Variants in CCDC191 observed in about 807,000 individuals in gnomAD.
CCDC191 encodes the protein coiled-coil domain containing 191.
A neutral mutation model predicts 114.0 loss-of-function variants in CCDC191; 99 were observed. The ratio of observed to expected loss-of-function variants is 0.87; its 90% confidence interval spans 0.74 to 1.03. CCDC191 has a LOEUF of 1.03. CCDC191 is among the 50% of genes least tolerant of loss of function. CCDC191 has a pLI of 0.00. For synonymous variants in CCDC191, 351 were observed against 376.0 expected, an observed-to-expected ratio of 0.93 and a Z score of 0.77; for missense variants, 973 against 1,087.0, an observed-to-expected ratio of 0.90 and a Z score of 1.47.
At chr3:113,986,142 T>G (rs557248943) in intron 13 of CCDC191, among the ~76,000 whole-genome samples, 1 of 151,874 alleles carries the variant, frequency 6.6e-6, no homozygotes, top group Non-Finnish European at 1.5e-5. Context: ...AAAAAAAGAT[T>G]CAAAATAAAA....
chr3:113,978,138 G>C (rs765929601), intron 16 of CCDC191, 48 bp downstream of exon 16: 17 of 1,600,876 alleles, frequency 1.1e-5, no homozygotes, highest in Non-Finnish European at 1.5e-5. Flanking sequence ...ATATTGCTGA[G>C]CAATTGTGAA....
chr3:114,029,565 C>G (rs1381980897), intron 7 of CCDC191, among the ~76,000 whole-genome samples: 2 of 152,088 alleles, frequency 1.3e-5, no homozygotes, highest in Non-Finnish European at 2.9e-5. Flanking sequence ...TAATGGGTGA[C>G]AGTTTACAGA....
At chr3:114,052,908 C>A (rs1268101806) in intron 2 of CCDC191, among the ~76,000 whole-genome samples, 2 of 152,222 alleles carry the variant, frequency 1.3e-5, no homozygotes, top group Admixed American at 1.3e-4. Context: ...ACATGTGGTA[C>A]ACGATGAATT....
chr3:114,032,226 TA>T (rs2076416491), intron 6 of CCDC191, among the ~76,000 whole-genome samples: 1 of 152,176 alleles, frequency 6.6e-6, no homozygotes, highest in Non-Finnish European at 1.5e-5. Context: ...AATCAGGTGT[TA>T]TTGAATAAGG....
intron 4 of CCDC191, among the ~76,000 whole-genome samples, chr3:114,041,514 A>AATCCCGG (rs1200335047): frequency 6.6e-6 from 1 of 152,188 alleles, no homozygotes; most frequent in Non-Finnish European, 1.5e-5. Flanking sequence ...GGCTCTACCC[A>AATCCCGG]AAGTGTAGGC....
At chr3:114,017,002 G>A (rs962719012) in intron 8 of CCDC191, among the ~76,000 whole-genome samples, 1 of 151,600 alleles carries the variant, frequency 6.6e-6, no homozygotes, top group South Asian at 2.1e-4. Context: ...AGTTTTCTGT[G>A]TTGGCCTCTA....
rs148546136 is a variant in CCDC191 at position 114,008,540 on chromosome 3, C to T, written c.1413+2232G>A. Among the ~76,000 whole-genome samples, 706 of 152,026 alleles carry T rather than the reference C, an allele frequency of 4.6e-3. 6 individuals carry two copies. The highest frequency in any genetic ancestry group is 0.016 in the African/African-American group (671 of 41,486). ...AGGTGAGGGGGTAGAAGCTCTTCTCCACAAGGTTTTCTAAACATGACAAGA... is the reference window on the plus strand; with the variant it reads ...AGGTGAGGGGGTAGAAGCTCTTCTCTACAAGGTTTTCTAAACATGACAAGA... On this transcript the variant is annotated intron_variant, in intron 9 of 16. Coordinates refer to ENST00000295878, the MANE Select transcript of CCDC191 (RefSeq NM_020817.2).
chr3:114,042,963 T>G, intron 3 of CCDC191, 117 bp from the exon 4 acceptor site: 1 of 933,148 alleles, frequency 1.1e-6, no homozygotes, highest in African/African-American at 1.8e-5. Context: ...AGTACTGTTC[T>G]AGATACTGGA....
chr3:113,975,187 T>G (rs1941215096), intron 16 of CCDC191, among the ~76,000 whole-genome samples: 1 of 152,220 alleles, frequency 6.6e-6, no homozygotes, highest in African/African-American at 2.4e-5. Flanking sequence ...AGACATATTA[T>G]AAATACTGAT....
At position 114,010,653 on chromosome 3, in the gene CCDC191, T is replaced by C. The variant is rs1211623986; in HGVS notation, c.1413+119A>G. ...TAAACACTGCCTGAAAGGTAGTGCA[T>C]TGAGGCAGCTCTAATCTTCTGATAG... On this transcript the variant is annotated intron_variant, in intron 9 of 16. Coordinates refer to ENST00000295878, the MANE Select transcript of CCDC191 (RefSeq NM_020817.2). 1.2e-5 allele frequency: 11 copies of C among 899,458 alleles called. No individual in the cohort carries two copies. The South Asian group carries it at 1.7e-4, about 14-fold the overall frequency. The allele number at this position is 899,458 out of a possible 1,614,324, so 55.7% of individuals were successfully genotyped here.
intron 5 of CCDC191, among the ~76,000 whole-genome samples, chr3:114,035,961 G>A (rs999372503): frequency 3.3e-5 from 5 of 152,092 alleles, no homozygotes; most frequent in African/African-American, 4.8e-5. Flanking sequence ...TTTCAAATTC[G>A]GCAATCAGAA....
Position 114,053,650 on chromosome 3 carries a change from TATATG to T in CCDC191, c.91-20_91-16del, listed in dbSNP as rs745848751. 1.2e-4 allele frequency: 187 copies of T among 1,561,968 alleles called. No individual in the cohort carries two copies. Among genetic ancestry groups the T allele is most frequent in the Admixed American group, 4.8e-4 (28 of 58,062 alleles). On this transcript the variant is annotated splice_polypyrimidine_tract_variant and intron_variant, in intron 1 of 16. Transcript: ENST00000295878. ...CCAAAAGTAGGCTGTAGATAACATA[TATATG>T]ATATCAATACGCAGCAATATCTTTA...
chr3:114,035,045 T>G lies in CCDC191; in HGVS notation c.698A>C (p.Glu233Ala). 1 of 1,614,142 alleles carries G rather than the reference T, an allele frequency of 6.2e-7. No homozygotes were observed. Reference protein sequence around the residue: ...AFLEAQCLVQEEKKRKALEAK... With the variant: ...AFLEAQCLVQAEKKRKALEAK... Reference sequence around the variant, plus strand: ...CTCCAGAGCCTTCCTTTTCTTCTCTTCTTGCACCAGACACTGAGCCTCCAA... The same window carrying G: ...CTCCAGAGCCTTCCTTTTCTTCTCTGCTTGCACCAGACACTGAGCCTCCAA... The change falls in exon 6 of 17, where the codon GAA becomes GCA. Residue 233 changes from glutamate to alanine, a missense_variant. Glu to Ala is a moderately radical substitution (Grantham distance 107). Coordinates refer to ENST00000295878, the MANE Select transcript of CCDC191 (RefSeq NM_020817.2).
intron 14 of CCDC191, among the ~76,000 whole-genome samples, chr3:113,979,348 C>T (rs1216702441): frequency 1.3e-5 from 2 of 152,188 alleles, no homozygotes; most frequent in Non-Finnish European, 1.5e-5. Flanking sequence ...TCTCCTGGAG[C>T]TTGGACAGCA....
intron 4 of CCDC191, among the ~76,000 whole-genome samples, chr3:114,039,072 G>C (rs549992410): frequency 4.6e-5 from 7 of 151,858 alleles, no homozygotes; most frequent in African/African-American, 1.7e-4. Flanking sequence ...AAAATCTTAA[G>C]AATACTATGC....
In CCDC191 at chr3:113,964,291, A is replaced by G. The variant is rs564042886; in HGVS notation, c.*864T>C. The G allele has an allele frequency of 1.4e-4, 21 of 152,352 alleles. 1 individual carries two copies. The South Asian group carries it at 3.5e-3, about 26-fold the overall frequency. 9.4% of individuals were successfully genotyped at this position (152,352 alleles called of 1,614,324 possible). A position where few individuals can be genotyped will look rare whatever the true frequency, so the allele number is the denominator to read the frequency against. ...GTTATATAATAAATGTGTATTTTATAATGAAAAATTATTTTTCTAGCAGGT... is the reference window on the plus strand; with the variant it reads ...GTTATATAATAAATGTGTATTTTATGATGAAAAATTATTTTTCTAGCAGGT... On this transcript the variant is annotated 3_prime_UTR_variant, in exon 17 of 17. Coordinates refer to ENST00000295878, the MANE Select transcript of CCDC191 (RefSeq NM_020817.2).
intron 4 of CCDC191, among the ~76,000 whole-genome samples, chr3:114,041,560 T>A (rs982535162): frequency 6.6e-6 from 1 of 152,156 alleles, no homozygotes; most frequent in African/African-American, 2.4e-5. Context: ...AGAGGATACA[T>A]CACTACAAGT....
chr3:114,052,536 C>G (rs1461031303), intron 2 of CCDC191, among the ~76,000 whole-genome samples: 1 of 152,104 alleles, frequency 6.6e-6, no homozygotes, highest in Non-Finnish European at 1.5e-5. Flanking sequence ...CTGCAGTAGC[C>G]AGGAAGCTTC....
intron 9 of CCDC191, among the ~76,000 whole-genome samples, chr3:114,006,725 G>A (rs538880342): frequency 1.3e-5 from 2 of 150,842 alleles, no homozygotes; most frequent in Admixed American, 6.6e-5. Flanking sequence ...ATTCTTTCTC[G>A]AGAATGTCTG....
Sources: allele counts gnomAD v4.1 joint callset (sites outside exome capture counted in the v4.1 genomes callset), GRCh38; gene constraint gnomAD v4.1.1; transcripts MANE v1.5; gene names NCBI Gene and HGNC (gene_info 2026-07-23, HGNC 2026-07-21).